CNOT2: variants seen among roughly 807,000 people sequenced by gnomAD.
CNOT2 encodes CC chemokine receptor 4-negative regulator of transcription 2.
CNOT2 carries 7 observed loss-of-function variants against 72.1 expected under a neutral mutation model. The observed-to-expected ratio is 0.10, with a 90% CI of 0.06 to 0.18. The LOEUF (loss-of-function observed/expected upper bound fraction) is 0.18. CNOT2 is among the 10% of genes least tolerant of loss of function. The pLI, the probability that CNOT2 is intolerant of heterozygous loss-of-function variation, is 1.00. For missense variants in CNOT2, 345 were observed against 660.3 expected, an observed-to-expected ratio of 0.52 and a Z score of 5.23; for synonymous variants, 196 against 225.6, an observed-to-expected ratio of 0.87 and a Z score of 1.17.
chr12:70,320,327 A>G (rs1352940935), intron 4 of CNOT2, among the ~76,000 whole-genome samples: 1 of 151,812 alleles, frequency 6.6e-6, no homozygotes, highest in Non-Finnish European at 1.5e-5. Flanking sequence ...ATAGTTTGTC[A>G]TAACACTTTA....
At chr12:70,329,609 C>T in intron 5 of CNOT2, 39 bp downstream of exon 5, 1 of 1,484,802 alleles carries the variant, frequency 6.7e-7, no homozygotes. Flanking sequence ...CAAAATGTAT[C>T]TTGGTAGAGT....
intron 1 of CNOT2, among the ~76,000 whole-genome samples, chr12:70,248,062 A>C (rs1957968735): frequency 6.6e-6 from 1 of 152,194 alleles, no homozygotes; most frequent in Non-Finnish European, 1.5e-5. Flanking sequence ...CAGGATGTTT[A>C]GATCTGTATT....
chr12:70,255,970 A>C lies in CNOT2; in HGVS notation c.-96+12490A>C, dbSNP rs761813880. On this transcript the variant is annotated intron_variant, in intron 1 of 15. Transcript: ENST00000229195. The stretch of plus-strand genomic sequence containing the variant: ...GATTGTCAGGCACAGCAAAATACTC[A>C]GGCATCAGATACTCAGTTAACTCTG... Among the ~76,000 whole-genome samples, 55 of 152,276 alleles carry C rather than the reference A, an allele frequency of 3.6e-4. 2 individuals are homozygous for C. Among genetic ancestry groups the C allele is most frequent in the Admixed American group, 2.6e-4 (4 of 15,302 alleles).
intron 9 of CNOT2, chr12:70,338,186 T>C: frequency 3.3e-6 from 1 of 303,218 alleles, no homozygotes; most frequent in South Asian, 7.4e-5. Context: ...TTTTTTTCTG[T>C]GACTGAAGAT....
At chr12:70,252,675 G>A (rs75906221) in intron 1 of CNOT2, among the ~76,000 whole-genome samples, 335 of 152,184 alleles carry the variant, frequency 2.2e-3, no homozygotes, top group African/African-American at 7.8e-3. Context: ...GAACTAACCA[G>A]CCTGAAATGG....
intron 3 of CNOT2, among the ~76,000 whole-genome samples, chr12:70,313,516 T>C (rs1167004138): frequency 6.6e-6 from 1 of 152,102 alleles, no homozygotes; most frequent in Non-Finnish European, 1.5e-5. Flanking sequence ...GAAATGTGTT[T>C]TGGTTTAACC....
intron 2 of CNOT2, among the ~76,000 whole-genome samples, chr12:70,301,253 CTG>C (rs1167288924): frequency 2.0e-5 from 3 of 152,252 alleles, no homozygotes; most frequent in East Asian, 1.9e-4. Flanking sequence ...ACTTCCAACA[CTG>C]TGTTGAATAG....
chr12:70,310,757 A>G, intron 2 of CNOT2, 138 bp from the exon 3 acceptor site: 2 of 602,926 alleles, frequency 3.3e-6, no homozygotes, highest in Non-Finnish European at 5.7e-6. Flanking sequence ...ACTTTATCAC[A>G]TGCGCCACTA....
chr12:70,339,411 T>A (rs1336254210), intron 11 of CNOT2, among the ~76,000 whole-genome samples: 1 of 152,110 alleles, frequency 6.6e-6, no homozygotes, highest in East Asian at 1.9e-4. Context: ...TCCCCTGTGA[T>A]CAACTCCCTT....
chr12:70,287,017 T>G (rs540025422), intron 2 of CNOT2, among the ~76,000 whole-genome samples: 8 of 152,188 alleles, frequency 5.3e-5, no homozygotes, highest in African/African-American at 1.2e-4. Context: ...TCAATGTTGC[T>G]AAACTTTTTA....
At chr12:70,257,647 G>A (rs1257498918) in intron 1 of CNOT2, among the ~76,000 whole-genome samples, 1 of 151,820 alleles carries the variant, frequency 6.6e-6, no homozygotes, top group Non-Finnish European at 1.5e-5. Flanking sequence ...GATTACAGGT[G>A]TGAGCCACCG....
chr12:70,329,373 A>T, intron 4 of CNOT2, 50 bp from the exon 5 acceptor site: 1 of 1,512,954 alleles, frequency 6.6e-7, no homozygotes, highest in Non-Finnish European at 9.2e-7. Flanking sequence ...ATGGATAACA[A>T]TTTCATTCCT....
At chr12:70,245,103 G>T (rs1305731101) in intron 1 of CNOT2, among the ~76,000 whole-genome samples, 4 of 152,182 alleles carry the variant, frequency 2.6e-5, no homozygotes, top group Non-Finnish European at 5.9e-5. Flanking sequence ...AAAGGGTTAA[G>T]AATCATAGTT....
At chr12:70,269,906 G>A (rs1178742766) in intron 1 of CNOT2, among the ~76,000 whole-genome samples, 1 of 152,100 alleles carries the variant, frequency 6.6e-6, no homozygotes, top group Non-Finnish European at 1.5e-5. Flanking sequence ...TATATTAGGT[G>A]AACATAAGTT....
At chr12:70,286,703 T>C (rs922007115) in intron 2 of CNOT2, among the ~76,000 whole-genome samples, 2 of 150,090 alleles carry the variant, frequency 1.3e-5, no homozygotes, top group Non-Finnish European at 3.0e-5. Flanking sequence ...AGTCTTGACT[T>C]GGCCTTTTGC....
intron 1 of CNOT2, among the ~76,000 whole-genome samples, chr12:70,267,183 G>T (rs757153186): frequency 1.3e-5 from 2 of 151,580 alleles, no homozygotes; most frequent in Non-Finnish European, 2.9e-5. Context: ...GCCACAAACT[G>T]TAGCTTAAAA....
intron 13 of CNOT2, among the ~76,000 whole-genome samples, chr12:70,342,797 G>A (rs34120153): frequency 0.12 from 18,043 of 151,976 alleles, 1,422 homozygotes; most frequent in Non-Finnish European, 0.18. Context: ...GAAAGAAAAT[G>A]GTGGCACTTT....
chr12:70,303,335 G>T (rs919361132), intron 2 of CNOT2, among the ~76,000 whole-genome samples: 11 of 152,190 alleles, frequency 7.2e-5, no homozygotes, highest in African/African-American at 2.4e-4. Flanking sequence ...AATTTGGCAT[G>T]TTTTTGCAGT....
chr12:70,301,039 A>T (rs932186366), intron 2 of CNOT2, among the ~76,000 whole-genome samples: 3 of 152,090 alleles, frequency 2.0e-5, no homozygotes, highest in Non-Finnish European at 4.4e-5. Context: ...ATTGGTGTAT[A>T]AGAATGCTTG....
Sources: allele counts gnomAD v4.1 joint callset (sites outside exome capture counted in the v4.1 genomes callset), GRCh38; gene constraint gnomAD v4.1.1; transcripts MANE v1.5; gene names NCBI Gene and HGNC (gene_info 2026-07-23, HGNC 2026-07-21).